The following MEP1A variants were observed in gnomAD, a reference collection of about 807,000 sequenced individuals.
MEP1A encodes the protein meprin A subunit alpha.
In MEP1A, 68 loss-of-function variants were observed where a neutral mutation model predicts 84.5. That is an observed-to-expected ratio of 0.80 (90% confidence interval 0.66 to 0.98). MEP1A has a LOEUF of 0.98. Among genes scored for constraint, MEP1A ranks in the 50% least tolerant of loss-of-function variants. The pLI is 0.00. For synonymous variants in MEP1A, 337 were observed against 336.8 expected (o/e 1.00, Z -0.01); for missense variants, 887 against 919.9 (o/e 0.96, Z 0.46).
Position 46,797,818 on chromosome 6 carries a change from CTT to C in MEP1A, c.146-786_146-785del, listed in dbSNP as rs1562102596. On this transcript the variant is annotated intron_variant, in intron 3 of 13. Coordinates refer to ENST00000230588, the MANE Select transcript of MEP1A (RefSeq NM_005588.3). ...TCTTTCTTTCTTTCTTTCTTTCTTT[CTT>C]TCTTTCTTTCTTTCTTTCTCTCTCT... 6.6e-4 allele frequency among the ~76,000 whole-genome samples: 97 copies of C among 147,886 alleles called. 1 individual carries two copies. The highest frequency in any genetic ancestry group is 1.6e-3 in the Admixed American group (24 of 14,824).
rs982309538 is a variant in MEP1A at position 46,810,925 on chromosome 6, T to G, written c.380+1388T>G. 5.3e-5 allele frequency among the ~76,000 whole-genome samples: 8 copies of G among 152,106 alleles called. No homozygotes were observed. The East Asian group carries it at 1.3e-3, about 26-fold the overall frequency. On this transcript the variant is annotated intron_variant, in intron 6 of 13. Transcript: ENST00000230588. ...GTGATGACTCCAGATTTGTTCTTTTTACTTAGTCTTGTGTTGGCTATGTGG... is the reference window on the plus strand; with the variant it reads ...GTGATGACTCCAGATTTGTTCTTTTGACTTAGTCTTGTGTTGGCTATGTGG...
intron 5 of MEP1A, among the ~76,000 whole-genome samples, chr6:46,808,247 C>T (rs1767410758): frequency 6.6e-6 from 1 of 151,918 alleles, no homozygotes; most frequent in African/African-American, 2.4e-5. Flanking sequence ...TGAAAATCTC[C>T]CAGCAGATGT....
chr6:46,839,389 G>A lies in MEP1A; in HGVS notation c.*253G>A. The A allele has an allele frequency of 6.3e-6, 2 of 316,194 alleles. No individual in the cohort carries two copies. The highest frequency in any genetic ancestry group is 1.2e-5 in the Non-Finnish European group (2 of 171,450). The allele number at this position is 316,194 out of a possible 1,614,324, so 19.6% of individuals were successfully genotyped here. On this transcript the variant is annotated 3_prime_UTR_variant, in exon 14 of 14. Coordinates refer to ENST00000230588, the MANE Select transcript of MEP1A (RefSeq NM_005588.3). ...TTCATTGTAAATCACTTGTTTTATT[G>A]ACTGTCTTTCCTATAGACTGTAAGC...
At position 46,793,788 on chromosome 6, in the gene MEP1A, T is replaced by C. The variant is rs1766987647; in HGVS notation, c.145+72T>C. ...CCAGTGGTGGGATTACTGAACACTT[T>C]CCTTCCTAATACTGTATTGTGATTC... is the stretch of plus-strand genomic sequence containing the variant. On this transcript the variant is annotated intron_variant, in intron 3 of 13. Transcript: ENST00000230588. 3.7e-6 allele frequency: 4 copies of C among 1,086,662 alleles called. No individual in the cohort carries two copies. In the East Asian group the frequency reaches 7.3e-5, roughly 20 times the overall value. The allele number at this position is 1,086,662 out of a possible 1,614,324, so 67.3% of individuals were successfully genotyped here. A position where few individuals can be genotyped will look rare whatever the true frequency, so the allele number is the denominator to read the frequency against.
chr6:46,803,992 A>C (rs1000804423), intron 5 of MEP1A, among the ~76,000 whole-genome samples: 1 of 151,658 alleles, frequency 6.6e-6, no homozygotes, highest in African/African-American at 2.4e-5. Context: ...TTCCATCTAC[A>C]TGCTTCATAA....
chr6:46,845,287 C>T, the MEP1A span, among the ~76,000 whole-genome samples: 2 of 152,210 alleles, frequency 1.3e-5, no homozygotes, highest in Non-Finnish European at 2.9e-5. Context: ...TTCCTCTATC[C>T]TAATGACTGA....
At chr6:46,820,076 T>C (rs748130859) in intron 7 of MEP1A, among the ~76,000 whole-genome samples, 5 of 152,254 alleles carry the variant, frequency 3.3e-5, no homozygotes, top group Non-Finnish European at 7.3e-5. Context: ...TCTAGAAGGC[T>C]GTTTGAGGTT....
Position 46,839,221 on chromosome 6 carries a change from G to C in MEP1A, c.*85G>C, listed in dbSNP as rs1768284877. ...CCCATGGTCAATGCAGTTTTTATCA[G>C]CCTTGCTTTGGATAGGACCTCCAAG... On this transcript the variant is annotated 3_prime_UTR_variant, in exon 14 of 14. Coordinates refer to ENST00000230588, the MANE Select transcript of MEP1A (RefSeq NM_005588.3). 9.7e-7 allele frequency: 1 copy of C among 1,032,636 alleles called. No individual in the cohort carries two copies. Among genetic ancestry groups the C allele is most frequent in the Admixed American group, 2.6e-5 (1 of 38,170 alleles). The allele number at this position is 1,032,636 out of a possible 1,614,324, so 64.0% of individuals were successfully genotyped here.
rs373015248 is a variant in MEP1A at position 46,793,694 on chromosome 6, G to T, written c.123G>T (p.Lys41Asn). The part of the protein sequence containing the change: ...NVHDADFGEQ[K>N]DISEINLAAG... ...ATGATGCAGATTTTGGTGAACAGAAGGATATTTCAGAAATCAATTTAGGTG... is the reference window on the plus strand; with the variant it reads ...ATGATGCAGATTTTGGTGAACAGAATGATATTTCAGAAATCAATTTAGGTG... Residue 41 changes from lysine to asparagine, a missense_variant, in exon 3 of 14, where the codon AAG (lysine) becomes AAT (asparagine). Lys to Asn is a moderately conservative substitution (Grantham distance 94). Transcript: ENST00000230588. 2.9e-5 allele frequency: 47 copies of T among 1,609,146 alleles called. No homozygotes were observed. Among genetic ancestry groups the T allele is most frequent in the Non-Finnish European group, 3.9e-5 (46 of 1,176,472 alleles).
intron 10 of MEP1A, among the ~76,000 whole-genome samples, chr6:46,831,002 A>C (rs1768062810): frequency 6.6e-6 from 1 of 152,180 alleles, no homozygotes; most frequent in African/African-American, 2.4e-5. Context: ...CGTTACTTCT[A>C]AGCATAAAAT....
At chr6:46,821,912 C>T (rs1767786285) in intron 7 of MEP1A, among the ~76,000 whole-genome samples, 2 of 152,182 alleles carry the variant, frequency 1.3e-5, no homozygotes, top group East Asian at 1.9e-4. Context: ...AGATTATCAA[C>T]ATAGGCAGTA....
chr6:46,799,162 C>T lies in MEP1A; in HGVS notation c.243C>T (p.Tyr81=), dbSNP rs762870585. The T allele has an allele frequency of 1.8e-5, 29 of 1,610,158 alleles. No individual in the cohort carries two copies. Among genetic ancestry groups the T allele is most frequent in the East Asian group, 2.2e-5 (1 of 44,838 alleles). Residue 81 remains tyrosine, a synonymous_variant, in exon 5 of 14, where the codon TAC becomes TAT. Transcript: ENST00000230588. ...PNTRWTFPIP[Y]ILADNLGLNA... is the part of the protein sequence containing the mutation. ...CCAGGTGGACGTTCCCCATTCCTTA[C>T]ATCTTGGCTGATAATTTGGGTAATA...
intron 5 of MEP1A, among the ~76,000 whole-genome samples, chr6:46,802,451 ATTAATT>A (rs1767216772): frequency 6.6e-6 from 1 of 151,948 alleles, no homozygotes; most frequent in Non-Finnish European, 1.5e-5. Context: ...AAATTTACTC[ATTAATT>A]TTAATTGTTG....
chr6:46,809,917 A>G (rs540407607), intron 6 of MEP1A, among the ~76,000 whole-genome samples: 31 of 151,880 alleles, frequency 2.0e-4, no homozygotes, highest in African/African-American at 7.2e-4. Flanking sequence ...TTGTGCTGCT[A>G]TAAACATCCA....
chr6:46,807,578 AAGGAAGGAAGG>A (rs1562106712), intron 5 of MEP1A, among the ~76,000 whole-genome samples: 8 of 73,356 alleles, frequency 1.1e-4, no homozygotes, highest in African/African-American at 4.9e-4. Context: ...GGAAGGAAGG[AAGGAAGGAAGG>A]AAGGAAGGAA....
rs549348728 is a variant in MEP1A at position 46,798,457 on chromosome 6, C to A, written c.146-149C>A. 2.2e-3 allele frequency: 1,467 copies of A among 667,492 alleles called. 2 individuals carry two copies. The highest frequency in any genetic ancestry group is 2.8e-3 in the Non-Finnish European group (1,047 of 380,036). The allele number at this position is 667,492 out of a possible 1,614,324, so 41.3% of individuals were successfully genotyped here. A position where few individuals can be genotyped will look rare whatever the true frequency, so the allele number is the denominator to read the frequency against. ...TCATCGGCCATTCACATTTGCTTAA[C>A]TGGAATTTTTGCATTGTTTCAAAAA... On this transcript the variant is annotated intron_variant, in intron 3 of 13. Transcript: ENST00000230588.
At chr6:46,804,418 G>A in intron 5 of MEP1A, among the ~76,000 whole-genome samples, 1 of 151,516 alleles carries the variant, frequency 6.6e-6, no homozygotes, top group East Asian at 1.9e-4. Flanking sequence ...ATTATGCAGC[G>A]AACATTCACA....
intron 12 of MEP1A, among the ~76,000 whole-genome samples, chr6:46,834,995 AT>A (rs1263580518): frequency 6.6e-6 from 1 of 152,194 alleles, no homozygotes; most frequent in Non-Finnish European, 1.5e-5. Flanking sequence ...ACTGATTTCA[AT>A]TTAGTTTCCA....
At chr6:46,815,536 C>G (rs1263026438) in intron 6 of MEP1A, among the ~76,000 whole-genome samples, 1 of 152,192 alleles carries the variant, frequency 6.6e-6, no homozygotes, top group Non-Finnish European at 1.5e-5. Context: ...GTTGAGAAAG[C>G]AAGCAGACTC....
Sources: gnomAD v4.1 joint callset for allele counts (sites outside exome capture counted in the v4.1 genomes callset) on GRCh38, gnomAD v4.1.1 for gene constraint, MANE v1.5 for transcripts, NCBI Gene and HGNC (gene_info 2026-07-23, HGNC 2026-07-21) for gene names.